CPNE8: variants seen among roughly 807,000 people sequenced by gnomAD.
The protein encoded by CPNE8 is copine-8.
A neutral mutation model predicts 81.5 loss-of-function variants in CPNE8; 45 were observed. That is an observed-to-expected ratio of 0.55 (90% CI 0.44 to 0.71). The LOEUF (loss-of-function observed/expected upper bound fraction) is 0.71, where lower values mean the gene tolerates loss of function less well. Ranked by LOEUF, CPNE8 falls within the 30% of genes least tolerant of loss-of-function variation. The pLI is 0.00. For missense variants in CPNE8, 594 were observed against 672.1 expected, an observed-to-expected ratio of 0.88 and a Z score of 1.28; for synonymous variants, 252 against 226.3, an observed-to-expected ratio of 1.11 and a Z score of -1.02.
At chr12:38,680,484 G>A (rs532035254) in intron 16 of CPNE8, among the ~76,000 whole-genome samples, 3 of 151,990 alleles carry the variant, frequency 2.0e-5, no homozygotes, top group Non-Finnish European at 4.4e-5. Context: ...TAGCTTTGTT[G>A]CATTTTCTTT....
At chr12:38,872,675 C>A (rs904061056) in intron 3 of CPNE8, among the ~76,000 whole-genome samples, 1 of 152,164 alleles carries the variant, frequency 6.6e-6, no homozygotes, top group Admixed American at 6.5e-5. Context: ...TTATAAGTAT[C>A]AGCAATTGAT....
At position 38,783,278 on chromosome 12, in the gene CPNE8, A is replaced by G. The variant is rs183820791; in HGVS notation, c.408-6977T>C. 4.0e-4 allele frequency among the ~76,000 whole-genome samples: 61 copies of G among 152,282 alleles called. No homozygotes were observed. The East Asian group carries it at 6.2e-3, about 15-fold the overall frequency. The stretch of plus-strand genomic sequence containing the variant: ...ACTATCTATATTTTAACAACTATCT[A>G]TACACACACACAAAGCATCTTCATA... On this transcript the variant is annotated intron_variant, in intron 6 of 19. Transcript: ENST00000331366.
At chr12:38,886,853 C>A (rs1944244546) in intron 1 of CPNE8, among the ~76,000 whole-genome samples, 1 of 152,054 alleles carries the variant, frequency 6.6e-6, no homozygotes, top group Non-Finnish European at 1.5e-5. Context: ...AGATGGGAGA[C>A]CCAGATTCAG....
At chr12:38,674,207 A>G (rs1243430999) in intron 18 of CPNE8, among the ~76,000 whole-genome samples, 1 of 152,176 alleles carries the variant, frequency 6.6e-6, no homozygotes, top group Non-Finnish European at 1.5e-5. Context: ...TGCTCTGTAT[A>G]GAAATGTGTT....
chr12:38,859,545 T>C (rs1943798751), intron 3 of CPNE8, among the ~76,000 whole-genome samples: 1 of 152,128 alleles, frequency 6.6e-6, no homozygotes, highest in African/African-American at 2.4e-5. Flanking sequence ...AAAATCCTAA[T>C]GACATTTTTT....
chr12:38,656,756 A>G (rs1938829925), intron 19 of CPNE8, among the ~76,000 whole-genome samples: 1 of 152,136 alleles, frequency 6.6e-6, no homozygotes, highest in African/African-American at 2.4e-5. Flanking sequence ...TGAAGCGGGG[A>G]GCTCTCAGCA....
At chr12:38,727,269 A>G (rs746316535) in intron 11 of CPNE8, among the ~76,000 whole-genome samples, 6 of 152,216 alleles carry the variant, frequency 3.9e-5, no homozygotes, top group Non-Finnish European at 8.8e-5. Context: ...ATGTAGCAGC[A>G]TTGAAAACCG....
chr12:38,776,466 C>T (rs1941938758), intron 6 of CPNE8, among the ~76,000 whole-genome samples, 165 bp from the exon 7 acceptor site: 1 of 151,380 alleles, frequency 6.6e-6, no homozygotes, highest in Non-Finnish European at 1.5e-5. Context: ...ATTACAGGCC[C>T]AGCTAAATTT....
chr12:38,702,767 A>T (rs1377197947), intron 14 of CPNE8, 108 bp downstream of exon 14: 1 of 582,824 alleles, frequency 1.7e-6, no homozygotes, highest in Non-Finnish European at 2.8e-6. Context: ...TATATGGAAA[A>T]CTTCAGAAGT....
At chr12:38,853,362 G>A (rs1349034047) in intron 3 of CPNE8, among the ~76,000 whole-genome samples, 1 of 151,912 alleles carries the variant, frequency 6.6e-6, no homozygotes, top group African/African-American at 2.4e-5. Flanking sequence ...ATTTTAACTT[G>A]TGTCCTAAAA....
chr12:38,873,920 G>A (rs1373331593), intron 2 of CPNE8, among the ~76,000 whole-genome samples: 1 of 151,758 alleles, frequency 6.6e-6, no homozygotes, highest in African/African-American at 2.4e-5. Context: ...TCACTTGGTT[G>A]TAAATTGTAT....
chr12:38,704,826 GTATATATATATATATATATA>G (rs573232937), intron 13 of CPNE8, among the ~76,000 whole-genome samples: 2 of 50,200 alleles, frequency 4.0e-5, no homozygotes, highest in Non-Finnish European at 5.5e-5. Flanking sequence ...GTATGTATGT[GTATATATATATATATATATA>G]TATATATATA....
intron 13 of CPNE8, among the ~76,000 whole-genome samples, chr12:38,719,495 C>A (rs1217453726): frequency 6.7e-6 from 1 of 148,708 alleles, no homozygotes; most frequent in Admixed American, 6.8e-5. Context: ...CCCAGCTACT[C>A]GGGAGGCTGA....
At chr12:38,773,129 A>G (rs930660019) in intron 7 of CPNE8, among the ~76,000 whole-genome samples, 4 of 152,080 alleles carry the variant, frequency 2.6e-5, no homozygotes, top group Non-Finnish European at 5.9e-5. Context: ...AGAAGCAGGG[A>G]GTAGAATGAT....
chr12:38,893,842 A>G (rs932516817), intron 1 of CPNE8, among the ~76,000 whole-genome samples: 2 of 152,234 alleles, frequency 1.3e-5, no homozygotes, highest in African/African-American at 2.4e-5. Context: ...TCATATTTCA[A>G]TATCATTTTA....
At chr12:38,859,878 C>T (rs1330256993) in intron 3 of CPNE8, among the ~76,000 whole-genome samples, 1 of 151,934 alleles carries the variant, frequency 6.6e-6, no homozygotes, top group African/African-American at 2.4e-5. Flanking sequence ...ATGAAACTGG[C>T]CACTTATCCT....
chr12:38,661,659 G>C (rs1454619887), intron 19 of CPNE8, among the ~76,000 whole-genome samples: 1 of 151,854 alleles, frequency 6.6e-6, no homozygotes, highest in African/African-American at 2.4e-5. Flanking sequence ...ATTCCACAAG[G>C]CCAGAACTAC....
At chr12:38,854,847 C>G (rs992078959) in intron 3 of CPNE8, among the ~76,000 whole-genome samples, 2 of 152,052 alleles carry the variant, frequency 1.3e-5, no homozygotes, top group Admixed American at 1.3e-4. Flanking sequence ...AGGAACAAGA[C>G]AAGGATGCCC....
chr12:38,805,420 C>T (rs1309954017), intron 6 of CPNE8, among the ~76,000 whole-genome samples: 1 of 59,962 alleles, frequency 1.7e-5, no homozygotes, highest in Non-Finnish European at 3.4e-5. Flanking sequence ...AACAAAAAAC[C>T]AAACACCGCA....
Sources: allele counts gnomAD v4.1 joint callset (sites outside exome capture counted in the v4.1 genomes callset), GRCh38; gene constraint gnomAD v4.1.1; transcripts MANE v1.5; gene names NCBI Gene and HGNC (gene_info 2026-07-23, HGNC 2026-07-21).